LRBA: variants seen among roughly 807,000 people sequenced by gnomAD.
LRBA encodes lipopolysaccharide-responsive and beige-like anchor protein.
LRBA carries 176 observed loss-of-function variants against 330.0 expected under a neutral mutation model. The ratio of observed to expected loss-of-function variants is 0.53; its 90% CI spans 0.47 to 0.60. The LOEUF (loss-of-function observed/expected upper bound fraction) is 0.60, where lower values mean the gene tolerates loss of function less well. Among genes scored for constraint, LRBA ranks in the 20% least tolerant of loss-of-function variants. The probability of loss-of-function intolerance (pLI) is 0.00; values close to 1 mark genes in which losing one functional copy is unlikely to be tolerated. For missense variants in LRBA, 3,259 were observed against 3,444.8 expected (o/e 0.95, Z 1.35); for synonymous variants, 1,230 against 1,193.0 (o/e 1.03, Z -0.64).
chr4:150,633,605 G>C (rs1777593083), intron 37 of LRBA, among the ~76,000 whole-genome samples: 1 of 152,128 alleles, frequency 6.6e-6, no homozygotes, highest in Non-Finnish European at 1.5e-5. Context: ...TGCAGTCAGG[G>C]GGTTCTCAGA....
chr4:150,648,297 A>G (rs1196008274), intron 37 of LRBA, among the ~76,000 whole-genome samples: 1 of 152,066 alleles, frequency 6.6e-6, no homozygotes, highest in East Asian at 1.9e-4. Context: ...TTGACAAAGA[A>G]GAGCTCACAA....
intron 36 of LRBA, among the ~76,000 whole-genome samples, chr4:150,715,432 TAAATA>T (rs1321403396): frequency 6.6e-6 from 1 of 152,080 alleles, no homozygotes; most frequent in Non-Finnish European, 1.5e-5. Context: ...AAAGATGTAA[TAAATA>T]AAATAATAAA....
At chr4:150,316,948 G>T (rs1731799643) in intron 50 of LRBA, among the ~76,000 whole-genome samples, 1 of 152,118 alleles carries the variant, frequency 6.6e-6, no homozygotes, top group Non-Finnish European at 1.5e-5. Context: ...TCTCAGAACT[G>T]TGGTGCCATC....
intron 52 of LRBA, among the ~76,000 whole-genome samples, chr4:150,303,402 C>G (rs1729926603): frequency 6.6e-6 from 1 of 152,028 alleles, no homozygotes; most frequent in Non-Finnish European, 1.5e-5. Context: ...GATTCTTTGT[C>G]TTAATTTTCT....
chr4:150,380,609 C>T (rs571094193), intron 47 of LRBA, among the ~76,000 whole-genome samples: 1 of 152,062 alleles, frequency 6.6e-6, no homozygotes, highest in Admixed American at 6.6e-5. Flanking sequence ...GTAGAATGCA[C>T]ACATTAGCAA....
intron 17 of LRBA, among the ~76,000 whole-genome samples, chr4:150,883,123 C>G (rs1728584360): frequency 6.6e-6 from 1 of 152,110 alleles, no homozygotes; most frequent in African/African-American, 2.4e-5. Flanking sequence ...AATATGAAAC[C>G]TTTTCTTAAT....
At chr4:150,458,956 A>G (rs1754421681) in intron 44 of LRBA, among the ~76,000 whole-genome samples, 1 of 151,958 alleles carries the variant, frequency 6.6e-6, no homozygotes, top group Non-Finnish European at 1.5e-5. Context: ...GACACTGAAG[A>G]GCTGACTGAG....
Position 150,696,195 on chromosome 4 carries a change from T to C in LRBA, c.5755-12478A>G, listed in dbSNP as rs191209420. Among the ~76,000 whole-genome samples, 129 of 152,274 alleles carry C rather than the reference T, an allele frequency of 8.5e-4. 1 individual carries two copies. The East Asian group carries it at 0.022, about 25-fold the overall frequency. ...AGTGAGCCATAATCAGGCCACTGCA[T>C]TCCTGCCTGTGTGAGAGAGTGAGAC... On this transcript the variant is annotated intron_variant, in intron 36 of 56. Coordinates refer to ENST00000651943, the MANE Select transcript of LRBA (RefSeq NM_001364905.1).
At chr4:150,562,517 C>T (rs1581685070) in intron 40 of LRBA, among the ~76,000 whole-genome samples, 1 of 152,138 alleles carries the variant, frequency 6.6e-6, no homozygotes, top group East Asian at 1.9e-4. Flanking sequence ...TGTATGTTCT[C>T]AGTAAATGTT....
chr4:150,769,807 T>C (rs566089737), intron 34 of LRBA, among the ~76,000 whole-genome samples: 2 of 152,332 alleles, frequency 1.3e-5, no homozygotes, highest in African/African-American at 4.8e-5. Flanking sequence ...TTGGCACTCA[T>C]ATACATCTCC....
intron 40 of LRBA, among the ~76,000 whole-genome samples, chr4:150,570,810 A>T (rs182521302): frequency 5.3e-4 from 81 of 152,256 alleles, no homozygotes; most frequent in Non-Finnish European, 1.0e-4. Context: ...CCTTTTAATT[A>T]AAAAATATTA....
At chr4:150,478,052 T>C (rs1756910046) in intron 42 of LRBA, among the ~76,000 whole-genome samples, 1 of 152,148 alleles carries the variant, frequency 6.6e-6, no homozygotes, top group Non-Finnish European at 1.5e-5. Context: ...AGGGCAGGGA[T>C]GTCCTGTTTC....
At chr4:150,667,217 A>G in intron 37 of LRBA, among the ~76,000 whole-genome samples, 1 of 152,206 alleles carries the variant, frequency 6.6e-6, no homozygotes, top group East Asian at 1.9e-4. Context: ...CACAACCTGT[A>G]TGTTACTTTA....
chr4:150,950,058 C>G (rs996026916), intron 2 of LRBA, among the ~76,000 whole-genome samples: 2 of 152,142 alleles, frequency 1.3e-5, no homozygotes, highest in African/African-American at 4.8e-5. Flanking sequence ...TACATAACTT[C>G]AGATTCATGT....
chr4:150,900,087 T>A lies in LRBA; in HGVS notation c.1886A>T (p.Asn629Ile). 1 of 1,613,614 alleles carries A rather than the reference T, an allele frequency of 6.2e-7. No homozygotes were observed. The highest frequency in any genetic ancestry group is 8.5e-7 in the Non-Finnish European group (1 of 1,179,660). ...HTLKYYYWAV[N>I]PQDRSGITPK... is the part of the protein sequence containing the mutation. Reference sequence around the variant, plus strand: ...GGTGATACCACTTCGATCCTGAGGATTCACTGCCCAGTAGTAGTACTTCAG... The same window carrying A: ...GGTGATACCACTTCGATCCTGAGGAATCACTGCCCAGTAGTAGTACTTCAG... Residue 629 changes from asparagine (N) to isoleucine (I), a missense_variant, in exon 14 of 57, where the codon AAT becomes ATT. Physicochemically the swap from Asn to Ile is moderately radical, Grantham distance 149. Transcript: ENST00000651943.
At position 150,516,215 on chromosome 4, in the gene LRBA, C is replaced by CT. The variant is rs1384014823; in HGVS notation, c.6331-25181dup. Among the ~76,000 whole-genome samples the CT allele has an allele frequency of 2.7e-3, 231 of 86,666 alleles. 2 individuals are homozygous for CT. The highest frequency in any genetic ancestry group is 4.7e-3 in the East Asian group (13 of 2,744). The allele number at this position is 86,666 out of a possible 152,430, so 56.9% of individuals were successfully genotyped here. ...GTAATTCAGTCTGACATTTTCTATT[C>CT]TCTTTTTTTTTTTTTTTTTTTTTTT... On this transcript the variant is annotated intron_variant, in intron 40 of 56. Coordinates refer to ENST00000651943, the MANE Select transcript of LRBA (RefSeq NM_001364905.1).
At position 150,802,524 on chromosome 4, in the gene LRBA, A is replaced by T. The variant is rs535850737; in HGVS notation, c.5518+3747T>A. Among the ~76,000 whole-genome samples the T allele has an allele frequency of 7.2e-4, 110 of 152,284 alleles. 2 individuals are homozygous for T. The highest frequency in any genetic ancestry group is 3.4e-3 in the Middle Eastern group (1 of 294). On this transcript the variant is annotated intron_variant, in intron 33 of 56. Transcript: ENST00000651943. ...ATAATAATTGTAAGACATAATTTAA[A>T]ATTTTCAAGCTTGTGTTCTCTTTGT...
At chr4:150,811,739 A>G (rs1743770405) in intron 31 of LRBA, among the ~76,000 whole-genome samples, 3 of 152,156 alleles carry the variant, frequency 2.0e-5, no homozygotes, top group Admixed American at 2.0e-4. Context: ...TCCTGGCTTC[A>G]GGTGATTCTT....
intron 47 of LRBA, among the ~76,000 whole-genome samples, chr4:150,368,878 G>C (rs1739866915): frequency 6.6e-6 from 1 of 152,102 alleles, no homozygotes; most frequent in Admixed American, 6.5e-5. Flanking sequence ...GTCTTTTTGT[G>C]TACCATATTT....
Sources: allele counts gnomAD v4.1 joint callset (sites outside exome capture counted in the v4.1 genomes callset), GRCh38; gene constraint gnomAD v4.1.1; transcripts MANE v1.5; gene names NCBI Gene and HGNC (gene_info 2026-07-23, HGNC 2026-07-21).